NDUFA8: variants seen among roughly 807,000 people sequenced by gnomAD.
The protein encoded by NDUFA8 is NADH dehydrogenase [ubiquinone] 1 alpha subcomplex subunit 8.
NDUFA8 carries 16 observed loss-of-function variants against 20.9 expected under a neutral mutation model. That is an observed-to-expected ratio of 0.77 (90% CI 0.52 to 1.16). NDUFA8 has a LOEUF of 1.16. NDUFA8 is among the 50% of genes most tolerant of loss of function. The pLI is 0.00. For synonymous variants in NDUFA8, 70 were observed against 76.1 expected, an observed-to-expected ratio of 0.92 and a Z score of 0.41; for missense variants, 202 against 216.4, an observed-to-expected ratio of 0.93 and a Z score of 0.42.
chr9:122,139,836 G>T (rs1032386472), downstream of NDUFA8, among the ~76,000 whole-genome samples: 6 of 152,138 alleles, frequency 3.9e-5, no homozygotes, highest in South Asian at 1.0e-3. Flanking sequence ...TGGGATTACA[G>T]GTACGTACCA....
At position 122,144,227 on chromosome 9, in the gene NDUFA8, C is replaced by T; in HGVS notation, c.*14G>A. The T allele has an allele frequency of 6.2e-7, 1 of 1,613,262 alleles. No individual in the cohort carries two copies. The highest frequency in any genetic ancestry group is 8.5e-7 in the Non-Finnish European group (1 of 1,179,982). ...GTCTGAGCACATGACCGAGTGTGGGCCACGGACCCATCTTTACTTGGTCCA... is the reference window on the plus strand; with the variant it reads ...GTCTGAGCACATGACCGAGTGTGGGTCACGGACCCATCTTTACTTGGTCCA... On this transcript the variant is annotated 3_prime_UTR_variant, in exon 4 of 4. Transcript: ENST00000373768.
chr9:122,152,872 G>A (rs1189562827), intron 1 of NDUFA8, among the ~76,000 whole-genome samples: 2 of 152,190 alleles, frequency 1.3e-5, no homozygotes, highest in African/African-American at 2.4e-5. Context: ...TTATGGTAGA[G>A]AGAAAAGGGG....
downstream of NDUFA8, chr9:122,144,048 A>C (rs1417575823): frequency 7.0e-7 from 1 of 1,438,792 alleles, no homozygotes; most frequent in Non-Finnish European, 9.1e-7. Flanking sequence ...AACATAATAA[A>C]ATACAACCGT....
At chr9:122,148,065 C>T (rs146680120) in intron 3 of NDUFA8, 47 bp downstream of exon 3, 23,931 of 1,612,058 alleles carry the variant, frequency 0.015, 215 homozygotes, top group Middle Eastern at 0.021. Context: ...CTGCCTTTAT[C>T]CCACCCCTGA....
chr9:122,136,907 T>A, the NDUFA8 span, among the ~76,000 whole-genome samples: 1 of 152,172 alleles, frequency 6.6e-6, no homozygotes. Flanking sequence ...TCTGCTTCGG[T>A]TCTGTCAACT....
chr9:122,134,240 G>C, the NDUFA8 span, among the ~76,000 whole-genome samples: 3 of 152,188 alleles, frequency 2.0e-5, no homozygotes, highest in African/African-American at 7.2e-5. Flanking sequence ...TGCCTACTAA[G>C]TGTCAAGCAT....
the NDUFA8 span, among the ~76,000 whole-genome samples, chr9:122,137,338 T>C: frequency 2.0e-5 from 3 of 146,758 alleles, no homozygotes; most frequent in Non-Finnish European, 4.4e-5. Context: ...GCCTCTTGGG[T>C]TCAAGTGATT....
intron 1 of NDUFA8, among the ~76,000 whole-genome samples, chr9:122,155,799 C>G (rs1012634394): frequency 6.6e-6 from 1 of 152,096 alleles, no homozygotes; most frequent in African/African-American, 2.4e-5. Flanking sequence ...TTCAATTATT[C>G]AAAGGCCCAA....
chr9:122,144,437 C>A (rs1056323066), intron 3 of NDUFA8, 59 bp from the exon 4 acceptor site: 50 of 1,519,074 alleles, frequency 3.3e-5, no homozygotes, highest in Non-Finnish European at 4.4e-5. Flanking sequence ...GAATCTGTAA[C>A]CATCAATGCG....
the NDUFA8 span, among the ~76,000 whole-genome samples, chr9:122,137,865 C>T: frequency 6.6e-6 from 1 of 152,168 alleles, no homozygotes; most frequent in African/African-American, 2.4e-5. Flanking sequence ...AAGTGGCTTG[C>T]CAAGGCCACA....
downstream of NDUFA8, among the ~76,000 whole-genome samples, chr9:122,139,597 C>T (rs188587487): frequency 2.4e-4 from 37 of 152,338 alleles, 1 homozygote; most frequent in Admixed American, 2.0e-3. Context: ...ACTACACCCC[C>T]TTTTCTCCAA....
chr9:122,152,801 T>A lies in NDUFA8; in HGVS notation c.52-393A>T, dbSNP rs542905816. 1.3e-4 allele frequency among the ~76,000 whole-genome samples: 20 copies of A among 152,276 alleles called. 1 individual carries two copies. In the East Asian group the frequency reaches 2.5e-3, roughly 19 times the overall value. On this transcript the variant is annotated intron_variant, in intron 1 of 3. Coordinates refer to ENST00000373768, the MANE Select transcript of NDUFA8 (RefSeq NM_014222.3). ...TTTCTTCACTTTTACAATAGTCTCA[T>A]GAAGAGATTAATATTCCCATTTTAG...
intron 1 of NDUFA8, among the ~76,000 whole-genome samples, chr9:122,158,878 T>C (rs921517446): frequency 1.3e-5 from 2 of 151,886 alleles, no homozygotes; most frequent in African/African-American, 4.8e-5. Flanking sequence ...TGGAAAGTAA[T>C]TAGCATCCTG....
Sources: gnomAD v4.1 joint callset for allele counts (sites outside exome capture counted in the v4.1 genomes callset) on GRCh38, gnomAD v4.1.1 for gene constraint, MANE v1.5 for transcripts, NCBI Gene and HGNC (gene_info 2026-07-23, HGNC 2026-07-21) for gene names.